The following STARD3 variants were observed in gnomAD, a reference collection of about 807,000 sequenced individuals.
The protein encoded by STARD3 is stAR-related lipid transfer protein 3.
A neutral mutation model predicts 62.0 loss-of-function variants in STARD3; 39 were observed. That is an observed-to-expected ratio of 0.63 (90% CI 0.49 to 0.82). The LOEUF is 0.82. STARD3 is among the 40% of genes least tolerant of loss of function. The pLI, the probability that STARD3 is intolerant of heterozygous loss-of-function variation, is 0.00. For synonymous variants in STARD3, 229 were observed against 242.4 expected (o/e 0.94, Z 0.51); for missense variants, 543 against 584.5 (o/e 0.93, Z 0.73).
chr17:39,638,343 C>T (rs988482708), intron 1 of STARD3, among the ~76,000 whole-genome samples: 5 of 152,206 alleles, frequency 3.3e-5, no homozygotes, highest in African/African-American at 1.2e-4. Flanking sequence ...CTTTTTCTGG[C>T]TTTCTATTGC....
At chr17:39,659,716 T>C (rs1339144850) in intron 9 of STARD3, 163 bp downstream of exon 9, 1 of 711,652 alleles carries the variant, frequency 1.4e-6, no homozygotes, top group African/African-American at 1.8e-5. Context: ...TGGGCTGGAT[T>C]GGACGTTTCC....
rs1002246079 is a variant in STARD3 at position 39,663,745 on chromosome 17, GTC to G, written c.*841_*842del. 3.5e-4 allele frequency among the ~76,000 whole-genome samples: 53 copies of G among 151,386 alleles called. No homozygotes were observed. The highest frequency in any genetic ancestry group is 7.1e-4 in the Non-Finnish European group (48 of 67,942). On this transcript the variant is annotated 3_prime_UTR_variant, in exon 15 of 15. Coordinates refer to ENST00000336308, the MANE Select transcript of STARD3 (RefSeq NM_006804.4). ...CAGGCTTCAGCGGGGCAAGTTTAAA[GTC>G]TCTAGTCCAGGAATGGAGGTGGGGG... is the stretch of plus-strand genomic sequence containing the variant.
intron 1 of STARD3, among the ~76,000 whole-genome samples, chr17:39,639,497 G>C (rs143143234): frequency 6.6e-6 from 1 of 152,366 alleles, no homozygotes; most frequent in East Asian, 1.9e-4. Context: ...GATTTTATCA[G>C]AGGGAGGCAG....
intron 1 of STARD3, among the ~76,000 whole-genome samples, chr17:39,644,823 C>T (rs1296532939): frequency 1.3e-5 from 2 of 151,238 alleles, no homozygotes; most frequent in Non-Finnish European, 2.9e-5. Context: ...AATCACACCA[C>T]TGCACTCCAG....
intron 1 of STARD3, among the ~76,000 whole-genome samples, chr17:39,643,923 A>G (rs1261214677): frequency 6.6e-6 from 1 of 152,250 alleles, no homozygotes; most frequent in East Asian, 1.9e-4. Flanking sequence ...CCCATTTTAT[A>G]GGCGAGGAAA....
intron 1 of STARD3, among the ~76,000 whole-genome samples, chr17:39,646,330 G>A (rs999265671): frequency 2.0e-5 from 3 of 152,100 alleles, no homozygotes; most frequent in African/African-American, 7.2e-5. Flanking sequence ...TCAGCCCACT[G>A]CAACCTCCAC....
chr17:39,650,164 C>T (rs796747715), intron 1 of STARD3, among the ~76,000 whole-genome samples: 16 of 152,268 alleles, frequency 1.1e-4, no homozygotes, highest in African/African-American at 3.6e-4. Flanking sequence ...GGGGTCATTG[C>T]AGATGTGATC....
At position 39,653,138 on chromosome 17, in the gene STARD3, T is replaced by C. The variant is rs1380658140; in HGVS notation, c.-51-343T>C. 1.2e-5 allele frequency: 3 copies of C among 243,764 alleles called. No homozygotes were observed. The East Asian group carries it at 3.0e-4, about 24-fold the overall frequency. 15.1% of individuals were successfully genotyped at this position (243,764 alleles called of 1,614,324 possible). A position where few individuals can be genotyped will look rare whatever the true frequency, so the allele number is the denominator to read the frequency against. On this transcript the variant is annotated intron_variant, in intron 1 of 14. Coordinates refer to ENST00000336308, the MANE Select transcript of STARD3 (RefSeq NM_006804.4). The stretch of plus-strand genomic sequence containing the variant: ...AGAGGCTGTTGACAGGACCAGAGGC[T>C]GGAGCTCAGGGCTAGGCCTGGTAGG...
chr17:39,647,312 A>G (rs2057035889), intron 1 of STARD3, among the ~76,000 whole-genome samples: 1 of 151,972 alleles, frequency 6.6e-6, no homozygotes, highest in African/African-American at 2.4e-5. Flanking sequence ...CAGCCATCCC[A>G]GGCAGACTCT....
chr17:39,662,538 C>G, intron 14 of STARD3, 194 bp downstream of exon 14: 2 of 644,178 alleles, frequency 3.1e-6, no homozygotes, highest in Non-Finnish European at 5.3e-6. Flanking sequence ...GCATGTGCCC[C>G]CCCTTCTTAC....
chr17:39,656,109 C>T (rs1025745126), intron 2 of STARD3, among the ~76,000 whole-genome samples: 5 of 152,090 alleles, frequency 3.3e-5, no homozygotes, highest in Non-Finnish European at 5.9e-5. Flanking sequence ...GAGGAAGAGG[C>T]ACATGGTGGG....
chr17:39,651,485 A>C (rs2057077307), intron 1 of STARD3, among the ~76,000 whole-genome samples: 1 of 152,158 alleles, frequency 6.6e-6, no homozygotes, highest in Admixed American at 6.5e-5. Context: ...GGGGAGACTC[A>C]GGGAGCCTCT....
At chr17:39,651,595 GCT>G (rs1239418824) in intron 1 of STARD3, among the ~76,000 whole-genome samples, 3 of 151,874 alleles carry the variant, frequency 2.0e-5, no homozygotes, top group African/African-American at 7.3e-5. Context: ...ACGGAGTCTC[GCT>G]CTGTCACCCA....
chr17:39,653,817 G>T, intron 2 of STARD3, 67 bp downstream of exon 2: 1 of 1,584,040 alleles, frequency 6.3e-7, no homozygotes, highest in South Asian at 1.1e-5. Context: ...TTGTCCATCT[G>T]CCACATGGGA....
In STARD3 at chr17:39,660,848, T is replaced by C; in HGVS notation, c.993T>C (p.Tyr331=). 1 of 1,599,688 alleles carries C rather than the reference T, an allele frequency of 6.3e-7. No homozygotes were observed. ...TGGAAGACAACACCCTCATCTCCTA[T>C]GACGTGTCTGCAGGGGCTGCGGGCG... is the stretch of plus-strand genomic sequence containing the variant. ...QRVEDNTLIS[Y]DVSAGAAGGV... Residue 331 remains tyrosine, a synonymous_variant, in exon 12 of 15, where the codon TAT becomes TAC. Coordinates refer to ENST00000336308, the MANE Select transcript of STARD3 (RefSeq NM_006804.4). This position sits in a 1 kb window ranked among gnomAD's most constrained non-coding sequence, Gnocchi z 4.8.
chr17:39,661,193 G>A lies in STARD3; in HGVS notation c.1139+108G>A, dbSNP rs965011848. 77 of 955,198 alleles carry A rather than the reference G, an allele frequency of 8.1e-5. No homozygotes were observed. In the South Asian group the frequency reaches 9.6e-4, roughly 12 times the overall value. 59.2% of individuals were successfully genotyped at this position (955,198 alleles called of 1,614,324 possible). On this transcript the variant is annotated intron_variant, in intron 13 of 14. Coordinates refer to ENST00000336308, the MANE Select transcript of STARD3 (RefSeq NM_006804.4). ...TGGGCACTTCCCCTGCTGAGGCTGC[G>A]TTCCTGTTCCCTGTCCCGCTGGGCT...
intron 1 of STARD3, among the ~76,000 whole-genome samples, chr17:39,649,023 A>G (rs2057052868): frequency 6.6e-6 from 1 of 152,136 alleles, no homozygotes; most frequent in African/African-American, 2.4e-5. Flanking sequence ...GAGGGAGGAG[A>G]GAGGCAGATA....
In STARD3 at chr17:39,662,808, G is replaced by A. The variant is rs764017032; in HGVS notation, c.1238G>A (p.Arg413His). Residue 413 changes from arginine to histidine, a missense_variant, in exon 15 of 15, where the codon CGC becomes CAC. Coordinates refer to ENST00000336308, the MANE Select transcript of STARD3 (RefSeq NM_006804.4). ...VWILNTDLKG[R>H]LPRYLIHQSL... Reference sequence around the variant, plus strand: ...CTTCTGCCTGCCTTCCCCCAGGGCCGCCTGCCCCGGTACCTCATCCACCAG... The same window carrying A: ...CTTCTGCCTGCCTTCCCCCAGGGCCACCTGCCCCGGTACCTCATCCACCAG... 1.1e-5 allele frequency: 17 copies of A among 1,607,024 alleles called. No homozygotes were observed. The East Asian group carries it at 1.1e-4, about 11-fold the overall frequency.
At chr17:39,638,338 T>C (rs1027733936) in intron 1 of STARD3, among the ~76,000 whole-genome samples, 3 of 152,220 alleles carry the variant, frequency 2.0e-5, no homozygotes, top group African/African-American at 7.2e-5. Context: ...ATAACCTTTT[T>C]CTGGCTTTCT....
Sources: gnomAD v4.1 joint callset for allele counts (sites outside exome capture counted in the v4.1 genomes callset) on GRCh38, gnomAD v4.1.1 for gene constraint, Gnocchi (gnomAD v3.1) non-coding constraint, MANE v1.5 for transcripts, NCBI Gene and HGNC (gene_info 2026-07-23, HGNC 2026-07-21) for gene names.